DPP6: variants seen among roughly 807,000 people sequenced by gnomAD.
DPP6 encodes the protein A-type potassium channel modulatory protein DPP6.
In DPP6, 69 loss-of-function variants were observed where a neutral mutation model predicts 122.6. The observed-to-expected ratio is 0.56, with a 90% CI of 0.46 to 0.69. The LOEUF (loss-of-function observed/expected upper bound fraction) is 0.69. DPP6 is among the 30% of genes least tolerant of loss of function. The pLI, the probability that DPP6 is intolerant of heterozygous loss-of-function variation, is 0.00. For synonymous variants in DPP6, 418 were observed against 433.1 expected, an observed-to-expected ratio of 0.97 and a Z score of 0.43; for missense variants, 928 against 1,116.9, an observed-to-expected ratio of 0.83 and a Z score of 2.41.
intron 1 of DPP6, among the ~76,000 whole-genome samples, chr7:154,433,416 G>A (rs1247547408): frequency 6.6e-6 from 1 of 151,330 alleles, no homozygotes; most frequent in Non-Finnish European, 1.5e-5. Context: ...TGATCCGGCC[G>A]CCTCAGCCTC....
At chr7:154,288,534 G>A (rs780396462) in intron 1 of DPP6, among the ~76,000 whole-genome samples, 2 of 152,156 alleles carry the variant, frequency 1.3e-5, no homozygotes, top group East Asian at 1.9e-4. Flanking sequence ...GAGGAGAGAC[G>A]ATTTATGCCT....
chr7:154,685,297 T>G (rs1270045876), intron 7 of DPP6, among the ~76,000 whole-genome samples: 1 of 152,254 alleles, frequency 6.6e-6, no homozygotes, highest in Non-Finnish European at 1.5e-5. Flanking sequence ...TTCAACAGCC[T>G]GGTACACATT....
At chr7:154,061,465 C>G (rs1473403454) in intron 1 of DPP6, among the ~76,000 whole-genome samples, 3 of 146,936 alleles carry the variant, frequency 2.0e-5, no homozygotes, top group Non-Finnish European at 4.6e-5. Context: ...AAAGGATGGC[C>G]CCCCTATTAG....
intron 1 of DPP6, among the ~76,000 whole-genome samples, chr7:153,981,837 A>C (rs1796605369): frequency 6.9e-6 from 1 of 145,914 alleles, no homozygotes; most frequent in Admixed American, 6.8e-5. Context: ...TCTGGGTTGA[A>C]TTTTTTTTTT....
intron 1 of DPP6, among the ~76,000 whole-genome samples, chr7:154,171,500 G>A (rs1294359876): frequency 6.6e-6 from 1 of 152,210 alleles, no homozygotes; most frequent in Non-Finnish European, 1.5e-5. Flanking sequence ...TCCTTCATGA[G>A]TCCCTGCTGG....
intron 1 of DPP6, among the ~76,000 whole-genome samples, chr7:154,351,420 G>T (rs1810845623): frequency 1.3e-5 from 2 of 152,178 alleles, no homozygotes; most frequent in Admixed American, 1.3e-4. Flanking sequence ...TCAGAACCCA[G>T]GAGCCAAAAA....
chr7:154,409,121 G>A (rs1306607447), intron 1 of DPP6, among the ~76,000 whole-genome samples: 5 of 152,174 alleles, frequency 3.3e-5, no homozygotes, highest in African/African-American at 9.7e-5. Flanking sequence ...TCTAGTCTGG[G>A]TGACAGAGTG....
At chr7:154,044,617 C>T (rs1013716783) in intron 1 of DPP6, among the ~76,000 whole-genome samples, 2 of 152,082 alleles carry the variant, frequency 1.3e-5, no homozygotes, top group Admixed American at 1.3e-4. Flanking sequence ...AGCATCAACT[C>T]GTTTTTTAAA....
At chr7:154,433,136 G>GTTTTATTTTTTTTTTTTTT (rs1818566241) in intron 1 of DPP6, among the ~76,000 whole-genome samples, 1 of 72,336 alleles carries the variant, frequency 1.4e-5, no homozygotes, top group African/African-American at 5.9e-5. Context: ...TAGACTGCAA[G>GTTTTATTTTTTTTTTTTTT]TTTTTTTTTT....
chr7:154,882,990 C>T (rs1004590187), intron 21 of DPP6, among the ~76,000 whole-genome samples: 1 of 152,138 alleles, frequency 6.6e-6, no homozygotes, highest in African/African-American at 2.4e-5. Flanking sequence ...GCTCCCAACA[C>T]GCATGCTCAC....
At chr7:153,773,315 T>C in the DPP6 span, among the ~76,000 whole-genome samples, 4 of 27,954 alleles carry the variant, frequency 1.4e-4, no homozygotes, top group Non-Finnish European at 3.2e-4. Flanking sequence ...GTGTATTTTA[T>C]ATATATATAT....
intron 3 of DPP6, among the ~76,000 whole-genome samples, chr7:154,520,906 A>G (rs1011872034): frequency 1.3e-5 from 2 of 152,238 alleles, no homozygotes; most frequent in African/African-American, 4.8e-5. Context: ...AATGCCTAAT[A>G]TAAGTAGCAT....
In DPP6 at chr7:154,271,119, G is replaced by T. The variant is rs1408257095; in HGVS notation, c.244-175095G>T. On this transcript the variant is annotated intron_variant, in intron 1 of 25. Coordinates refer to ENST00000377770, the MANE Select transcript of DPP6 (RefSeq NM_130797.4). ...TTCTGTGAATCCCACTCAGAAGACT[G>T]TGTCTTCATTAATCAGAGAGAAGAC... is the stretch of plus-strand genomic sequence containing the variant. 2.6e-5 allele frequency among the ~76,000 whole-genome samples: 4 copies of T among 152,320 alleles called. No homozygotes were observed. In the East Asian group the frequency reaches 5.8e-4, roughly 22 times the overall value.
chr7:153,831,444 C>T, the DPP6 span, among the ~76,000 whole-genome samples: 6 of 152,100 alleles, frequency 3.9e-5, no homozygotes, highest in African/African-American at 1.4e-4. Flanking sequence ...AGAAACTAAG[C>T]TACGAAGAGG....
rs771776657 is a variant in DPP6 at position 154,877,996 on chromosome 7, G to A, written c.2078+1896G>A. ...CTGCGCTCTGGAGTGGAGTGGGCCT[G>A]GCTTCCTGGGTGGGGGCACGAGTGC... is the stretch of plus-strand genomic sequence containing the variant. On this transcript the variant is annotated intron_variant, in intron 20 of 25. Coordinates refer to ENST00000377770, the MANE Select transcript of DPP6 (RefSeq NM_130797.4). This position sits in a 1 kb window ranked among gnomAD's most constrained non-coding sequence, Gnocchi z 5.2. 6.6e-6 allele frequency among the ~76,000 whole-genome samples: 1 copy of A among 152,194 alleles called. No individual in the cohort carries two copies. The highest frequency in any genetic ancestry group is 2.4e-5 in the African/African-American group (1 of 41,464).
chr7:154,184,498 G>A (rs1444437756), intron 1 of DPP6, among the ~76,000 whole-genome samples: 2 of 151,920 alleles, frequency 1.3e-5, no homozygotes, highest in East Asian at 1.9e-4. Context: ...CGTTGCTTCC[G>A]ACACTGGTCT....
intron 5 of DPP6, among the ~76,000 whole-genome samples, chr7:154,615,824 A>G (rs548798315): frequency 9.9e-5 from 15 of 152,156 alleles, no homozygotes; most frequent in African/African-American, 3.1e-4. Context: ...CATCACCACT[A>G]TCTATACACA....
At chr7:153,823,439 G>T in the DPP6 span, among the ~76,000 whole-genome samples, 8 of 146,158 alleles carry the variant, frequency 5.5e-5, 1 homozygote, top group South Asian at 1.1e-3. Context: ...TCTAAGCGGG[G>T]GGATGAAGAG....
Position 154,453,690 on chromosome 7 carries a change from C to A in DPP6, c.358+7362C>A, listed in dbSNP as rs372781763. 1.5e-3 allele frequency among the ~76,000 whole-genome samples: 233 copies of A among 152,180 alleles called. 5 individuals are homozygous for A. In the South Asian group the frequency reaches 0.047, roughly 31 times the overall value. ...GCCAGCATCCGGAAAGCCCCCCAGG[C>A]CCTTCCTATCATTAATCCTCTCAAG... On this transcript the variant is annotated intron_variant, in intron 2 of 25. Coordinates refer to ENST00000377770, the MANE Select transcript of DPP6 (RefSeq NM_130797.4).
Sources: allele counts gnomAD v4.1 joint callset (sites outside exome capture counted in the v4.1 genomes callset), GRCh38; gene constraint gnomAD v4.1.1; non-coding constraint Gnocchi (gnomAD v3.1); transcripts MANE v1.5; gene names NCBI Gene and HGNC (gene_info 2026-07-23, HGNC 2026-07-21).